Variants in FAM110B observed in about 807,000 individuals in gnomAD.
FAM110B encodes the protein family with sequence similarity 110 member B, also known as protein FAM110B.
FAM110B carries 6 observed loss-of-function variants against 20.4 expected under a neutral mutation model. The ratio of observed to expected loss-of-function variants is 0.29; its 90% CI spans 0.16 to 0.58. FAM110B has a LOEUF of 0.58. FAM110B is among the 20% of genes least tolerant of loss of function. FAM110B has a pLI of 0.90. For synonymous variants in FAM110B, 226 were observed against 214.1 expected (o/e 1.06, Z -0.49); for missense variants, 434 against 498.2 (o/e 0.87, Z 1.23).
At chr8:58,081,787 C>A (rs1222943737) in intron 3 of FAM110B, among the ~76,000 whole-genome samples, 1 of 151,960 alleles carries the variant, frequency 6.6e-6, no homozygotes, top group Non-Finnish European at 1.5e-5. Context: ...CCTTTAAAAG[C>A]AATGGGTTTT....
chr8:58,021,428 C>T (rs1475951854), intron 1 of FAM110B, among the ~76,000 whole-genome samples: 1 of 152,160 alleles, frequency 6.6e-6, no homozygotes, highest in Non-Finnish European at 1.5e-5. Context: ...AGTTATGGAA[C>T]TGCCCAATCA....
At chr8:58,017,825 A>G (rs554961688) in intron 1 of FAM110B, among the ~76,000 whole-genome samples, 1 of 152,368 alleles carries the variant, frequency 6.6e-6, no homozygotes, top group Non-Finnish European at 1.5e-5. Flanking sequence ...TAATACTGGT[A>G]CTAGAATCAA....
At chr8:58,020,415 ATTTG>A (rs1804728194) in intron 1 of FAM110B, among the ~76,000 whole-genome samples, 1 of 152,170 alleles carries the variant, frequency 6.6e-6, no homozygotes, top group South Asian at 2.1e-4. Context: ...AAATAATAAT[ATTTG>A]TTTGTTTCAT....
At chr8:58,041,239 C>T (rs994158892) in intron 2 of FAM110B, among the ~76,000 whole-genome samples, 5 of 151,986 alleles carry the variant, frequency 3.3e-5, no homozygotes, top group Admixed American at 2.0e-4. Context: ...CGCGCGCAGC[C>T]GAAAATGGGA....
chr8:58,005,972 C>T (rs117909188), intron 1 of FAM110B, among the ~76,000 whole-genome samples: 6 of 152,106 alleles, frequency 3.9e-5, no homozygotes, highest in Admixed American at 6.5e-5. Flanking sequence ...GAACAGGGCT[C>T]TTTATCATTT....
At chr8:58,003,321 G>A (rs562461259) in intron 1 of FAM110B, among the ~76,000 whole-genome samples, 1 of 152,254 alleles carries the variant, frequency 6.6e-6, no homozygotes, top group African/African-American at 2.4e-5. Flanking sequence ...ACCTCTCAAA[G>A]TCATCTATGA....
chr8:58,126,626 C>T (rs563718537), intron 3 of FAM110B, among the ~76,000 whole-genome samples: 1 of 152,036 alleles, frequency 6.6e-6, no homozygotes, highest in Non-Finnish European at 1.5e-5. Context: ...GTAGTGATAG[C>T]TCATTCATGA....
intron 2 of FAM110B, among the ~76,000 whole-genome samples, chr8:58,044,560 C>T (rs1483465415): frequency 6.6e-6 from 1 of 152,180 alleles, no homozygotes; most frequent in African/African-American, 2.4e-5. Flanking sequence ...GCTGAACAAT[C>T]AAACTAAGTA....
rs532579625 is a variant in FAM110B at position 58,082,776 on chromosome 8, G to A, written c.-325+7153G>A. 8.6e-5 allele frequency among the ~76,000 whole-genome samples: 13 copies of A among 152,020 alleles called. No homozygotes were observed. The East Asian group carries it at 2.1e-3, about 25-fold the overall frequency. ...GAGGATCATTTGAGCCCAGGAAGTC[G>A]AGATCAGCGTGGGCAACACATCTCC... On this transcript the variant is annotated intron_variant, in intron 3 of 3. Transcript: ENST00000519262.
chr8:58,066,924 A>C (rs1051526851), intron 2 of FAM110B, among the ~76,000 whole-genome samples: 3 of 152,304 alleles, frequency 2.0e-5, no homozygotes, highest in African/African-American at 7.2e-5. Flanking sequence ...CCCTACGTGC[A>C]GCCAAGCCTC....
intron 2 of FAM110B, among the ~76,000 whole-genome samples, chr8:58,037,471 CA>C (rs537506310): frequency 7.8e-5 from 11 of 140,378 alleles, no homozygotes; most frequent in South Asian, 2.2e-4. Flanking sequence ...TCAGTCTCCA[CA>C]AAAAAAAAAA....
chr8:58,062,760 A>G (rs1409697119), intron 2 of FAM110B, among the ~76,000 whole-genome samples: 1 of 152,186 alleles, frequency 6.6e-6, no homozygotes, highest in East Asian at 1.9e-4. Context: ...TTTATATCCA[A>G]AGAAATTATT....
chr8:58,140,949 G>A (rs965276576), intron 3 of FAM110B, among the ~76,000 whole-genome samples: 1 of 151,868 alleles, frequency 6.6e-6, no homozygotes, highest in Non-Finnish European at 1.5e-5. Context: ...ATTTTTCTAC[G>A]TCTTACACAT....
chr8:58,062,255 A>G (rs1483054777), intron 2 of FAM110B, among the ~76,000 whole-genome samples: 1 of 152,242 alleles, frequency 6.6e-6, no homozygotes, highest in Non-Finnish European at 1.5e-5. Context: ...GAATCTAGAT[A>G]CAGAAAAATC....
At chr8:58,053,318 A>G (rs1805490771) in intron 2 of FAM110B, among the ~76,000 whole-genome samples, 2 of 152,178 alleles carry the variant, frequency 1.3e-5, no homozygotes, top group Admixed American at 1.3e-4. Context: ...CTGATAACTG[A>G]AAGTGTAAGA....
chr8:58,084,414 G>A (rs544711542), intron 3 of FAM110B, among the ~76,000 whole-genome samples: 16 of 145,578 alleles, frequency 1.1e-4, no homozygotes, highest in East Asian at 6.0e-4. Context: ...TTTTTGAGAC[G>A]GAGTCTCACT....
chr8:58,058,655 AT>A (rs1563354187), intron 2 of FAM110B, among the ~76,000 whole-genome samples: 4 of 152,216 alleles, frequency 2.6e-5, no homozygotes, highest in South Asian at 2.1e-4. Flanking sequence ...AGATTGAGTC[AT>A]TTTTTTCTTT....
At chr8:58,039,141 C>T (rs1300879648) in intron 2 of FAM110B, among the ~76,000 whole-genome samples, 3 of 152,228 alleles carry the variant, frequency 2.0e-5, no homozygotes, top group Non-Finnish European at 2.9e-5. Flanking sequence ...GGAGCCAGAT[C>T]GCCGGGTGCC....
intron 1 of FAM110B, among the ~76,000 whole-genome samples, chr8:58,027,214 T>C (rs1327416782): frequency 6.6e-6 from 1 of 152,234 alleles, no homozygotes; most frequent in Non-Finnish European, 1.5e-5. Context: ...TCACAACTTA[T>C]TAGAAGTTGT....
Sources: gnomAD v4.1 joint callset for allele counts (sites outside exome capture counted in the v4.1 genomes callset) on GRCh38, gnomAD v4.1.1 for gene constraint, MANE v1.5 for transcripts, NCBI Gene and HGNC (gene_info 2026-07-23, HGNC 2026-07-21) for gene names.